Variants in BUB1B observed in about 807,000 individuals in gnomAD.
The protein encoded by BUB1B is mitotic checkpoint serine/threonine-protein kinase BUB1 beta.
BUB1B carries 86 observed loss-of-function variants against 137.7 expected under a neutral mutation model. The observed-to-expected ratio is 0.62, with a 90% CI of 0.52 to 0.75. The LOEUF (loss-of-function observed/expected upper bound fraction) is 0.75. Among genes scored for constraint, BUB1B ranks in the 30% least tolerant of loss-of-function variants. BUB1B has a pLI of 0.00. For synonymous variants in BUB1B, 420 were observed against 417.9 expected (o/e 1.00, Z -0.06); for missense variants, 1,130 against 1,236.9 (o/e 0.91, Z 1.30).
chr15:40,210,840 G>A (rs1232432728), intron 18 of BUB1B, among the ~76,000 whole-genome samples: 1 of 152,168 alleles, frequency 6.6e-6, no homozygotes, highest in Non-Finnish European at 1.5e-5. Flanking sequence ...TTTGTGTGAA[G>A]TTATTTTTCC....
intron 5 of BUB1B, among the ~76,000 whole-genome samples, chr15:40,181,262 T>C (rs2037289623): frequency 6.6e-6 from 1 of 152,096 alleles, no homozygotes; most frequent in Admixed American, 6.5e-5. Flanking sequence ...CAGCTAATTT[T>C]CTATTTTTAG....
chr15:40,190,103 A>G (rs1006197108), intron 8 of BUB1B, among the ~76,000 whole-genome samples: 2 of 152,164 alleles, frequency 1.3e-5, no homozygotes, highest in Non-Finnish European at 2.9e-5. Flanking sequence ...ACTCCAGTGG[A>G]TGCCCGAAAC....
intron 2 of BUB1B, among the ~76,000 whole-genome samples, chr15:40,167,021 G>A (rs2140879652): frequency 6.6e-6 from 1 of 152,096 alleles, no homozygotes. Flanking sequence ...ATAGATTCAA[G>A]TTTCCCTGAT....
intron 8 of BUB1B, among the ~76,000 whole-genome samples, chr15:40,187,478 C>A (rs534617257): frequency 6.6e-6 from 1 of 151,980 alleles, no homozygotes; most frequent in Non-Finnish European, 1.5e-5. Flanking sequence ...GTAGTCCTAA[C>A]TACTCGAGTG....
At chr15:40,209,558 C>A in intron 16 of BUB1B, 77 bp from the exon 17 acceptor site, 1 of 1,538,314 alleles carries the variant, frequency 6.5e-7, no homozygotes, top group East Asian at 2.3e-5. Context: ...TTTTTTTCTT[C>A]TACTCTGTTA....
chr15:40,164,058 C>G (rs1042110851), intron 1 of BUB1B, among the ~76,000 whole-genome samples: 1 of 152,142 alleles, frequency 6.6e-6, no homozygotes, highest in African/African-American at 2.4e-5. Context: ...ACCTCCAAAA[C>G]GTTTCGGGGG....
rs1323236014 is a variant in BUB1B at position 40,206,237 on chromosome 15, C to T, written c.1788C>T (p.Phe596=). 6.2e-7 allele frequency: 1 copy of T among 1,614,152 alleles called. No individual in the cohort carries two copies. The highest frequency in any genetic ancestry group is 1.3e-5 in the African/African-American group (1 of 75,046). Residue 596 remains phenylalanine, a synonymous_variant, in exon 15 of 23, where the codon TTC becomes TTT. Transcript: ENST00000287598. ...PLSEDAIITG[F]RNVTICPNPE... ...GCGAGGATGCCATTATCACAGGCTT[C>T]AGAAATGTAACAATTTGTCCTAACC...
intron 1 of BUB1B, among the ~76,000 whole-genome samples, chr15:40,164,829 G>A (rs1232147815): frequency 2.0e-5 from 3 of 151,746 alleles, no homozygotes; most frequent in African/African-American, 7.3e-5. Flanking sequence ...TACTGTCTAC[G>A]ATATCCTTGC....
intron 22 of BUB1B, among the ~76,000 whole-genome samples, chr15:40,219,588 C>A (rs558518140): frequency 6.6e-6 from 1 of 152,252 alleles, no homozygotes; most frequent in Admixed American, 6.5e-5. Flanking sequence ...GGTGTGGTGG[C>A]ACATGCCTGT....
At chr15:40,165,403 T>C (rs2140878680) in intron 2 of BUB1B, among the ~76,000 whole-genome samples, 1 of 152,354 alleles carries the variant, frequency 6.6e-6, no homozygotes, top group South Asian at 2.1e-4. Context: ...TAGGATTTCA[T>C]TTCACTGTGG....
intron 4 of BUB1B, among the ~76,000 whole-genome samples, chr15:40,175,820 T>C (rs1566817455): frequency 6.6e-6 from 1 of 152,168 alleles, no homozygotes; most frequent in Non-Finnish European, 1.5e-5. Context: ...CTACATAACT[T>C]TTAATTTTCT....
chr15:40,217,970 C>T (rs1254503871), intron 21 of BUB1B, among the ~76,000 whole-genome samples: 2 of 152,168 alleles, frequency 1.3e-5, no homozygotes, highest in African/African-American at 2.4e-5. Context: ...ATAGGGATAA[C>T]AGTCTCTGCT....
chr15:40,211,926 G>A (rs571942467), intron 18 of BUB1B, among the ~76,000 whole-genome samples: 264 of 152,176 alleles, frequency 1.7e-3, no homozygotes, highest in Admixed American at 3.5e-3. Context: ...AGGGTCAAGC[G>A]ATTCTCCTGT....
intron 18 of BUB1B, among the ~76,000 whole-genome samples, chr15:40,211,304 C>T (rs552365812): frequency 6.6e-6 from 1 of 152,088 alleles, no homozygotes; most frequent in African/African-American, 2.4e-5. Context: ...CTCTCTCACA[C>T]TACAGGCTTT....
At chr15:40,166,997 C>T (rs2037106718) in intron 2 of BUB1B, among the ~76,000 whole-genome samples, 1 of 151,946 alleles carries the variant, frequency 6.6e-6, no homozygotes, top group Non-Finnish European at 1.5e-5. Context: ...TCTTTATTTA[C>T]TTTTCCCAGG....
At chr15:40,185,486 T>C in intron 7 of BUB1B, 65 bp from the exon 8 acceptor site, 1 of 1,584,398 alleles carries the variant, frequency 6.3e-7, no homozygotes, top group Non-Finnish European at 8.7e-7. Context: ...TATTTAGCCA[T>C]GGTCTATATA....
intron 8 of BUB1B, chr15:40,186,840 A>C (rs1484297126): frequency 1.3e-5 from 2 of 152,074 alleles, no homozygotes; most frequent in Non-Finnish European, 2.9e-5. Flanking sequence ...CAAAAATAAT[A>C]ATTAAGATTT....
intron 4 of BUB1B, among the ~76,000 whole-genome samples, chr15:40,171,240 ATTAC>A (rs1256290390): frequency 6.6e-6 from 1 of 152,078 alleles, no homozygotes; most frequent in Non-Finnish European, 1.5e-5. Flanking sequence ...CCTAGTCCGG[ATTAC>A]TTATTTATTT....
chr15:40,176,790 T>C (rs2037229539), intron 5 of BUB1B, 117 bp downstream of exon 5: 2 of 1,073,572 alleles, frequency 1.9e-6, no homozygotes, highest in Admixed American at 2.5e-5. Context: ...ACTTAGTTAC[T>C]ATTCAATTTT....
Sources: gnomAD v4.1 joint callset for allele counts (sites outside exome capture counted in the v4.1 genomes callset) on GRCh38, gnomAD v4.1.1 for gene constraint, MANE v1.5 for transcripts, NCBI Gene and HGNC (gene_info 2026-07-23, HGNC 2026-07-21) for gene names.